Variants in GCM1 observed in about 807,000 individuals in gnomAD.
GCM1 encodes the protein GCM transcription factor 1.
Under a neutral mutation model 25.7 loss-of-function variants are expected in GCM1, and 2 were observed. That is an observed-to-expected ratio of 0.08 (90% confidence interval 0.03 to 0.24). The LOEUF (loss-of-function observed/expected upper bound fraction) is 0.24, where lower values mean the gene tolerates loss of function less well. Ranked by LOEUF, GCM1 falls within the 10% of genes least tolerant of loss-of-function variation. The pLI, the probability that GCM1 is intolerant of heterozygous loss-of-function variation, is 1.00. For missense variants in GCM1, 395 were observed against 538.7 expected (o/e 0.73, Z 2.64); for synonymous variants, 183 against 195.7 (o/e 0.94, Z 0.54).
intron 1 of GCM1, among the ~76,000 whole-genome samples, chr6:53,146,820 T>C (rs750711326): frequency 6.6e-6 from 1 of 152,112 alleles, no homozygotes; most frequent in Non-Finnish European, 1.5e-5. Context: ...ATCACTTAAG[T>C]CTATGAGTTC....
intron 3 of GCM1, 143 bp downstream of exon 3, chr6:53,133,929 C>T: frequency 1.3e-6 from 1 of 793,688 alleles, no homozygotes; most frequent in South Asian, 1.7e-5. Context: ...GCTCCATATG[C>T]TCCATGTCAG....
rs756598779 is a variant in GCM1 at position 53,145,566 on chromosome 6, G to A, written c.67C>T (p.Leu23=). 1.9e-6 allele frequency: 3 copies of A among 1,542,208 alleles called. No homozygotes were observed. The South Asian group carries it at 3.4e-5, about 17-fold the overall frequency. The change falls in exon 2 of 6, where the codon CTG becomes TTG. Residue 23 remains leucine, a synonymous_variant. Transcript: ENST00000259803. Reference sequence around the variant, plus strand: ...TTATAGCAAGTACATACCTGTGGCAGTTTCACATCATTAATATCCCAGCTT... The same window carrying A: ...TTATAGCAAGTACATACCTGTGGCAATTTCACATCATTAATATCCCAGCTT... ...ILSWDINDVK[L]PQNVKKTDWF... is the part of the protein sequence containing the mutation.
Position 53,128,296 on chromosome 6 carries a change from GCTC to G in GCM1, c.1218_1220del (p.Lys406_Ser407delinsAsn). 6.2e-7 allele frequency: 1 copy of G among 1,613,800 alleles called. No homozygotes were observed. Among genetic ancestry groups the G allele is most frequent in the Non-Finnish European group, 8.5e-7 (1 of 1,179,808 alleles). On this transcript the variant is annotated inframe_deletion, in exon 6 of 6. Transcript: ENST00000259803. ...TTTCTTCCTCAAAATCCCATTTGCT[GCTC>G]TTGCTTGGCAGTGAATATTGCTGAT...
intron 1 of GCM1, among the ~76,000 whole-genome samples, 173 bp downstream of exon 1, chr6:53,148,581 G>T (rs1763997913): frequency 6.6e-6 from 1 of 152,136 alleles, no homozygotes; most frequent in Admixed American, 6.5e-5. Context: ...TTCTAGGATT[G>T]AAAAACTACA....
In GCM1 at chr6:53,128,582, C is replaced by T; in HGVS notation, c.935G>A (p.Cys312Tyr). ...ALGRNHLADN[C>Y]YSNYPFPLTS... Reference sequence around the variant, plus strand: ...CAGAGGAAAAGGATAATTGGAATAACAGTTGTCAGCAAGATGATTTCTCCC... The same window carrying T: ...CAGAGGAAAAGGATAATTGGAATAATAGTTGTCAGCAAGATGATTTCTCCC... Residue 312 changes from cysteine (C) to tyrosine (Y), a missense_variant, in exon 6 of 6, where the codon TGT becomes TAT. This residue lies in a region of GCM1 where 291 missense variants were observed against 314.6 expected (regional missense o/e 0.92). Coordinates refer to ENST00000259803, the MANE Select transcript of GCM1 (RefSeq NM_003643.4). 2 of 1,614,138 alleles carry T rather than the reference C, an allele frequency of 1.2e-6. No individual in the cohort carries two copies. The highest frequency in any genetic ancestry group is 1.7e-6 in the Non-Finnish European group (2 of 1,180,002).
Position 53,128,028 on chromosome 6 carries a change from CAAAAAAA to C in GCM1, c.*171_*177del, listed in dbSNP as rs1223691364. 94 of 66,430 alleles carry C rather than the reference CAAAAAAA, an allele frequency of 1.4e-3. No homozygotes were observed. The highest frequency in any genetic ancestry group is 7.7e-3 in the East Asian group (18 of 2,328). The allele number at this position is 66,430 out of a possible 1,614,324, so 4.1% of individuals were successfully genotyped here. ...TGGGCAAAAGAGCAAGACTCTGTCT[CAAAAAAA>C]AAAAAAAAAAAAAAAAAAGAAGGAA... On this transcript the variant is annotated 3_prime_UTR_variant, in exon 6 of 6. Coordinates refer to ENST00000259803, the MANE Select transcript of GCM1 (RefSeq NM_003643.4).
At chr6:53,129,533 C>A (rs1234328993) in intron 5 of GCM1, among the ~76,000 whole-genome samples, 1 of 152,230 alleles carries the variant, frequency 6.6e-6, no homozygotes, top group Non-Finnish European at 1.5e-5. Flanking sequence ...CTTGGCCTCC[C>A]AAAGTGCTGG....
intron 2 of GCM1, among the ~76,000 whole-genome samples, chr6:53,138,278 CA>C (rs566559211): frequency 0.31 from 28,040 of 89,198 alleles, 2,743 homozygotes; most frequent in Middle Eastern, 0.43. Flanking sequence ...TGCTTTGTCT[CA>C]AAAAAAAAAA....
chr6:53,131,246 G>A (rs1763720646), intron 4 of GCM1, among the ~76,000 whole-genome samples: 1 of 152,166 alleles, frequency 6.6e-6, no homozygotes, highest in African/African-American at 2.4e-5. Flanking sequence ...CACAACCATT[G>A]AGGTACACAC....
intron 2 of GCM1, among the ~76,000 whole-genome samples, chr6:53,143,262 C>A (rs1474834047): frequency 6.6e-6 from 1 of 152,152 alleles, no homozygotes; most frequent in Non-Finnish European, 1.5e-5. Flanking sequence ...ATACATTTCT[C>A]AGTTTAATGT....
chr6:53,138,196 C>T (rs535526419), intron 2 of GCM1, among the ~76,000 whole-genome samples: 8 of 150,038 alleles, frequency 5.3e-5, no homozygotes, highest in African/African-American at 2.0e-4. Context: ...GCAAAAGAAT[C>T]GCTTGAACCT....
In GCM1 at chr6:53,132,019, A is replaced by G. The variant is rs1158746294; in HGVS notation, c.429T>C (p.Phe143=). Reference sequence around the variant, plus strand: ...TCAAAAATCCAACCTGGAAAAATATAAAGCGTCCGTCGTGCCTCCAGAAGT... The same window carrying G: ...TCAAAAATCCAACCTGGAAAAATATGAAGCGTCCGTCGTGCCTCCAGAAGT... ...VTNFWRHDGR[F]IFFQSKGEHD... The change falls in exon 4 of 6, where the codon TTT becomes TTC. Residue 143 remains phenylalanine, a synonymous_variant. Transcript: ENST00000259803. 2 of 1,603,206 alleles carry G rather than the reference A, an allele frequency of 1.2e-6. No homozygotes were observed. The highest frequency in any genetic ancestry group is 1.3e-5 in the African/African-American group (1 of 74,852).
rs1377468465 is a variant in GCM1, at chr6:53,128,185, G to A, written c.*21C>T. ...TTCCCCATTTTTGAGGGGCTGGGGTGCACATAGTGAAAGATTTGGGTCATC... is the reference window on the plus strand; with the variant it reads ...TTCCCCATTTTTGAGGGGCTGGGGTACACATAGTGAAAGATTTGGGTCATC... On this transcript the variant is annotated 3_prime_UTR_variant, in exon 6 of 6. Coordinates refer to ENST00000259803, the MANE Select transcript of GCM1 (RefSeq NM_003643.4). The A allele has an allele frequency of 1.3e-6, 2 of 1,587,758 alleles. No individual in the cohort carries two copies. Among genetic ancestry groups the A allele is most frequent in the Non-Finnish European group, 1.7e-6 (2 of 1,169,220 alleles).
chr6:53,142,601 T>C (rs1763891075), intron 2 of GCM1, among the ~76,000 whole-genome samples: 1 of 152,196 alleles, frequency 6.6e-6, no homozygotes, highest in African/African-American at 2.4e-5. Flanking sequence ...AGAATTCCTA[T>C]TTTCATTCTA....
intron 5 of GCM1, 138 bp downstream of exon 5, chr6:53,130,665 G>C: frequency 1.6e-6 from 1 of 627,240 alleles, no homozygotes; most frequent in Middle Eastern, 4.2e-4. Context: ...TTCTTTAGCA[G>C]ATGCTTGTTT....
At chr6:53,139,599 G>A (rs1175805241) in intron 2 of GCM1, among the ~76,000 whole-genome samples, 1 of 152,020 alleles carries the variant, frequency 6.6e-6, no homozygotes, top group African/African-American at 2.4e-5. Context: ...CAGGCGCGGT[G>A]GCTCAGGCCT....
At chr6:53,138,974 ATTAAAATACAAATTC>A (rs1763838017) in intron 2 of GCM1, among the ~76,000 whole-genome samples, 2 of 152,232 alleles carry the variant, frequency 1.3e-5, no homozygotes, top group Non-Finnish European at 2.9e-5. Context: ...AAACTAATCA[ATTAAAATACAAATTC>A]TGAAATAAAG....
Position 53,128,667 on chromosome 6 carries a change from C to T in GCM1, c.850G>A (p.Ala284Thr). 1 of 1,614,026 alleles carries T rather than the reference C, an allele frequency of 6.2e-7. No individual in the cohort carries two copies. Among genetic ancestry groups the T allele is most frequent in the Middle Eastern group, 1.6e-4 (1 of 6,062 alleles). The change falls in exon 6 of 6, where the codon GCC becomes ACC. Residue 284 changes from alanine (A) to threonine (T), a missense_variant. Physicochemically the swap from Ala to Thr is moderately conservative, Grantham distance 58 (BLOSUM62 0). Around this residue, in one of 5 missense-constraint regions of GCM1, gnomAD observed 291 missense variants for 314.6 expected, o/e 0.92. Transcript: ENST00000259803. Reference sequence around the variant, plus strand: ...CCATGATCAGAGTAGACTCCGGAGGCAGAAGGAGGAAGCAGGTCTCCACTA... The same window carrying T: ...CCATGATCAGAGTAGACTCCGGAGGTAGAAGGAGGAAGCAGGTCTCCACTA... ...YSSGDLLPPS[A>T]SGVYSDHGDL... is the part of the protein sequence containing the mutation.
intron 5 of GCM1, among the ~76,000 whole-genome samples, chr6:53,129,643 A>G (rs925185683): frequency 6.6e-6 from 1 of 152,232 alleles, no homozygotes; most frequent in Non-Finnish European, 1.5e-5. Flanking sequence ...TCAAAGATTT[A>G]TATTATACTC....
Sources: allele counts gnomAD v4.1 joint callset (sites outside exome capture counted in the v4.1 genomes callset), GRCh38; gene constraint gnomAD v4.1.1; regional missense constraint gnomAD v4.1.1; transcripts MANE v1.5; gene names NCBI Gene and HGNC (gene_info 2026-07-23, HGNC 2026-07-21).